Variants in PCDH15 observed in about 807,000 individuals in gnomAD.
PCDH15 encodes the protein protocadherin-15.
Under a neutral mutation model 178.5 loss-of-function variants are expected in PCDH15, and 129 were observed. That is an observed-to-expected ratio of 0.72 (90% CI 0.63 to 0.84). PCDH15 has a LOEUF of 0.84. PCDH15 is among the 40% of genes least tolerant of loss of function. The probability of loss-of-function intolerance (pLI) is 0.00; values close to 1 mark genes in which losing one functional copy is unlikely to be tolerated. For missense variants in PCDH15, 2,230 were observed against 2,099.9 expected (o/e 1.06, Z -1.21); for synonymous variants, 800 against 732.0 (o/e 1.09, Z -1.50).
intron 3 of PCDH15, among the ~76,000 whole-genome samples, chr10:54,812,597 T>C (rs1178613226): frequency 6.6e-6 from 1 of 152,112 alleles, no homozygotes; most frequent in Non-Finnish European, 1.5e-5. Flanking sequence ...TAGCTGGGAC[T>C]ACAGGGTCCC....
intron 2 of PCDH15, among the ~76,000 whole-genome samples, chr10:55,577,830 A>G (rs1023778926): frequency 6.6e-6 from 1 of 152,056 alleles, no homozygotes; most frequent in East Asian, 1.9e-4. Flanking sequence ...ATAAAAAAAT[A>G]AGAATCATAA....
chr10:55,602,605 GA>G (rs1843113597), intron 2 of PCDH15, among the ~76,000 whole-genome samples: 1 of 152,120 alleles, frequency 6.6e-6, no homozygotes, highest in African/African-American at 2.4e-5. Context: ...GCCTAACTGG[GA>G]GGCACCCCCC....
intron 2 of PCDH15, among the ~76,000 whole-genome samples, chr10:54,590,213 G>A (rs1164590149): frequency 2.6e-5 from 4 of 152,080 alleles, no homozygotes; most frequent in African/African-American, 9.7e-5. Context: ...ACAATAAAGT[G>A]TTATCATGCC....
At chr10:54,768,338 A>T (rs534605808) in intron 1 of PCDH15, among the ~76,000 whole-genome samples, 4 of 152,108 alleles carry the variant, frequency 2.6e-5, no homozygotes, top group Non-Finnish European at 5.9e-5. Flanking sequence ...CAGGACTACA[A>T]GAGTTCTGAG....
chr10:53,909,800 C>T (rs1244388197), intron 25 of PCDH15, among the ~76,000 whole-genome samples: 1 of 152,210 alleles, frequency 6.6e-6, no homozygotes, highest in East Asian at 1.9e-4. Context: ...GACAGTGCCA[C>T]CCAAATGCTG....
rs182307308 is a variant in PCDH15 at position 54,290,781 on chromosome 10, G to T, written c.876+26490C>A. ...ATAAAACAGATTTTAAACCAACAAA[G>T]ATCAGAAGAGACAAAGAAGGCCATT... On this transcript the variant is annotated intron_variant, in intron 8 of 37. Transcript: ENST00000644397. 1.2e-3 allele frequency among the ~76,000 whole-genome samples: 183 copies of T among 152,276 alleles called. 1 individual carries two copies. Among genetic ancestry groups the T allele is most frequent in the African/African-American group, 4.3e-3 (178 of 41,560 alleles).
At chr10:54,193,972 A>G (rs2049300413) in intron 11 of PCDH15, among the ~76,000 whole-genome samples, 1 of 150,458 alleles carries the variant, frequency 6.6e-6, no homozygotes, top group South Asian at 2.1e-4. Context: ...AATTTACTGT[A>G]TTGTTTGACA....
intron 2 of PCDH15, among the ~76,000 whole-genome samples, chr10:55,336,783 G>A (rs1176705468): frequency 3.9e-5 from 6 of 152,106 alleles, no homozygotes; most frequent in Admixed American, 1.3e-4. Flanking sequence ...ATAGCTTTCC[G>A]TTTCTTCATT....
intron 16 of PCDH15, 37 bp downstream of exon 16, chr10:54,089,947 T>C (rs1198339445): frequency 6.7e-7 from 1 of 1,489,386 alleles, no homozygotes; most frequent in Non-Finnish European, 9.4e-7. Context: ...TACGTTGCTG[T>C]ACATTTTTTT....
chr10:55,053,467 C>T (rs965121720), intron 2 of PCDH15, among the ~76,000 whole-genome samples: 1 of 152,162 alleles, frequency 6.6e-6, no homozygotes, highest in East Asian at 1.9e-4. Context: ...TTGACTTCAA[C>T]ATTAACATAA....
At chr10:54,604,244 C>T (rs1331049439) in intron 2 of PCDH15, among the ~76,000 whole-genome samples, 2 of 151,858 alleles carry the variant, frequency 1.3e-5, no homozygotes, top group Non-Finnish European at 2.9e-5. Flanking sequence ...AAAGAATGTA[C>T]AATCTTCTGT....
intron 8 of PCDH15, among the ~76,000 whole-genome samples, chr10:54,250,704 A>G (rs2056406463): frequency 6.6e-6 from 1 of 152,230 alleles, no homozygotes; most frequent in East Asian, 1.9e-4. Context: ...GGAATTGGGT[A>G]TCAAATAATC....
chr10:54,421,873 T>A (rs112929964), intron 3 of PCDH15, among the ~76,000 whole-genome samples: 1 of 76,498 alleles, frequency 1.3e-5, no homozygotes, highest in African/African-American at 5.3e-5. Context: ...ACACACACTA[T>A]ATATATATAT....
chr10:54,500,269 G>C (rs1159265272), intron 3 of PCDH15, among the ~76,000 whole-genome samples: 1 of 151,910 alleles, frequency 6.6e-6, no homozygotes, highest in Non-Finnish European at 1.5e-5. Flanking sequence ...CACAAAGATG[G>C]GAACAATAAA....
chr10:54,277,380 G>C (rs1051605615), intron 8 of PCDH15, among the ~76,000 whole-genome samples: 3 of 151,520 alleles, frequency 2.0e-5, no homozygotes, highest in African/African-American at 7.3e-5. Context: ...CGCAGTGACA[G>C]GATATTTGAT....
intron 2 of PCDH15, among the ~76,000 whole-genome samples, chr10:55,444,763 A>T (rs1040513267): frequency 6.6e-6 from 1 of 152,138 alleles, no homozygotes; most frequent in South Asian, 2.1e-4. Flanking sequence ...TCCCATTTGA[A>T]GCCACCTTAA....
chr10:54,477,132 G>A (rs749665067), intron 3 of PCDH15, among the ~76,000 whole-genome samples: 3 of 152,038 alleles, frequency 2.0e-5, no homozygotes, highest in Non-Finnish European at 2.9e-5. Flanking sequence ...GGCTCTTCAT[G>A]GTTCAGCTGT....
At chr10:54,044,128 A>G (rs964406217) in intron 18 of PCDH15, among the ~76,000 whole-genome samples, 3 of 152,098 alleles carry the variant, frequency 2.0e-5, no homozygotes, top group African/African-American at 7.2e-5. Context: ...TTATGTTGGA[A>G]GGGGTTGAAG....
Position 55,311,390 on chromosome 10 carries a change from T to C in PCDH15, c.-156+8209A>G, listed in dbSNP as rs1042420812. Among the ~76,000 whole-genome samples the C allele has an allele frequency of 3.9e-5, 6 of 152,270 alleles. No individual in the cohort carries two copies. The South Asian group carries it at 1.0e-3, about 26-fold the overall frequency. On this transcript the variant is annotated intron_variant, in intron 1 of 5. Transcript: ENST00000458638. ...AGTCCTGCATTCAAGAGTGCCTCCA[T>C]AGCGGTGACTGTGGAACCTTGATCA...
Sources: allele counts gnomAD v4.1 joint callset (sites outside exome capture counted in the v4.1 genomes callset), GRCh38; gene constraint gnomAD v4.1.1; transcripts MANE v1.5; gene names NCBI Gene and HGNC (gene_info 2026-07-23, HGNC 2026-07-21).